KLB: variants seen among roughly 807,000 people sequenced by gnomAD.
KLB encodes beta-klotho.
In KLB, 44 loss-of-function variants were observed where a neutral mutation model predicts 88.4. The ratio of observed to expected loss-of-function variants is 0.50; its 90% CI spans 0.39 to 0.64. The LOEUF is 0.64. Ranked by LOEUF, KLB falls within the 30% of genes least tolerant of loss-of-function variation. The probability of loss-of-function intolerance (pLI) is 0.00; values close to 1 mark genes in which losing one functional copy is unlikely to be tolerated. For synonymous variants in KLB, 548 were observed against 513.4 expected (o/e 1.07, Z -0.91); for missense variants, 1,137 against 1,304.8 (o/e 0.87, Z 1.98).
rs1488201647 is a variant in KLB, at chr4:39,407,017, C to T, written c.68C>T (p.Thr23Ile). The stretch of plus-strand genomic sequence containing the variant: ...ATTTTCTTCAGCACTGATGAAATAA[C>T]CACACGCTATAGGAATACAATGTCC... ...EWIFFSTDEITTRYRNTMSNG... is the reference protein window; with the variant it reads ...EWIFFSTDEIITRYRNTMSNG... The change falls in exon 1 of 5, where the codon ACC becomes ATC. Residue 23 changes from threonine to isoleucine, a missense_variant. This residue lies in a region of KLB where 111 missense variants were observed against 118.3 expected (regional missense o/e 0.94). Transcript: ENST00000257408. The T allele has an allele frequency of 6.2e-7, 1 of 1,614,008 alleles. No individual in the cohort carries two copies. Among genetic ancestry groups the T allele is most frequent in the East Asian group, 2.2e-5 (1 of 44,904 alleles).
At chr4:39,411,715 A>G (rs1167159226) in intron 1 of KLB, among the ~76,000 whole-genome samples, 1 of 151,888 alleles carries the variant, frequency 6.6e-6, no homozygotes, top group African/African-American at 2.4e-5. Flanking sequence ...CACGGTAATC[A>G]TCACTTTAAA....
rs1044547117 is a variant in KLB at position 39,448,741 on chromosome 4, G to A, written c.*55G>A. The stretch of plus-strand genomic sequence containing the variant: ...AAAATTCATCCCAGTTCCATATGCT[G>A]GTAACTTACAGGAGATATACCTGTA... On this transcript the variant is annotated 3_prime_UTR_variant, in exon 5 of 5. Transcript: ENST00000257408. The A allele has an allele frequency of 5.1e-5, 77 of 1,512,268 alleles. No individual in the cohort carries two copies. Among genetic ancestry groups the A allele is most frequent in the Middle Eastern group, 2.0e-4 (1 of 4,884 alleles). 93.7% of individuals were successfully genotyped at this position (1,512,268 alleles called of 1,614,324 possible). A position where few individuals can be genotyped will look rare whatever the true frequency, so the allele number is the denominator to read the frequency against.
rs368735550 is a variant in KLB, at chr4:39,406,945, G to T, written c.-5G>T. On this transcript the variant is annotated 5_prime_UTR_variant, in exon 1 of 5. Coordinates refer to ENST00000257408, the MANE Select transcript of KLB (RefSeq NM_175737.4). ...TTGATAAGACAGTCCAGCAGTTGGT[G>T]GCAAATGAAGCCAGGCTGTGCGGCA... 1.9e-6 allele frequency: 3 copies of T among 1,600,374 alleles called. No individual in the cohort carries two copies. The highest frequency in any genetic ancestry group is 1.1e-5 in the South Asian group (1 of 89,622).
At chr4:39,424,176 TCCTC>T (rs1294632829) in intron 1 of KLB, among the ~76,000 whole-genome samples, 3 of 151,634 alleles carry the variant, frequency 2.0e-5, no homozygotes, top group Non-Finnish European at 4.4e-5. Flanking sequence ...GCTCAGGTGA[TCCTC>T]CCACCTCAGC....
intron 1 of KLB, among the ~76,000 whole-genome samples, chr4:39,416,671 C>A (rs1419070246): frequency 7.6e-6 from 1 of 131,602 alleles, no homozygotes; most frequent in African/African-American, 2.5e-5. Flanking sequence ...CTGTAGTTAC[C>A]GCTACTGGGG....
At chr4:39,417,391 C>T (rs1348024119) in intron 1 of KLB, among the ~76,000 whole-genome samples, 2 of 152,054 alleles carry the variant, frequency 1.3e-5, no homozygotes, top group Non-Finnish European at 2.9e-5. Flanking sequence ...CTCAGCTCAC[C>T]GTAACCTCAG....
Position 39,446,962 on chromosome 4 carries a change from T to G in KLB, c.2236T>G (p.Trp746Gly), listed in dbSNP as rs1402338764. The G allele has an allele frequency of 6.2e-7, 1 of 1,606,594 alleles. No individual in the cohort carries two copies. Among genetic ancestry groups the G allele is most frequent in the Non-Finnish European group, 8.5e-7 (1 of 1,179,436 alleles). The change falls in exon 4 of 5, where the codon TGG (tryptophan) becomes GGG (glycine). Residue 746 changes from tryptophan (W) to glycine (G), a missense_variant. Transcript: ENST00000257408. The surrounding 1 kb of genome is among the most constrained non-coding windows in gnomAD (Gnocchi z 6.4). ...CGTGTCGCTGTCGCTGCACGCGGAC[T>G]GGGCGGAACCCGCCAACCCCTATGC... is the stretch of plus-strand genomic sequence containing the variant. ...GAVSLSLHAD[W>G]AEPANPYADS...
intron 1 of KLB, among the ~76,000 whole-genome samples, chr4:39,410,179 A>G (rs879651907): frequency 8.5e-5 from 13 of 152,232 alleles, no homozygotes; most frequent in Admixed American, 4.6e-4. Context: ...TAGAGTTTTC[A>G]TGAAAATGTA....
chr4:39,408,299 T>C (rs1402875249), intron 1 of KLB, among the ~76,000 whole-genome samples: 2 of 152,140 alleles, frequency 1.3e-5, no homozygotes, highest in Admixed American at 6.6e-5. Context: ...TTGTGTTACA[T>C]AGCAAAAAAG....
chr4:39,408,663 G>C (rs563052217), intron 1 of KLB, among the ~76,000 whole-genome samples: 7 of 152,226 alleles, frequency 4.6e-5, no homozygotes, highest in African/African-American at 1.7e-4. Context: ...TACAGCTGTT[G>C]TGGACATGGA....
chr4:39,413,106 C>T (rs1480580997), intron 1 of KLB, among the ~76,000 whole-genome samples: 2 of 152,078 alleles, frequency 1.3e-5, no homozygotes, highest in African/African-American at 2.4e-5. Context: ...CAGCCTCTCA[C>T]GTCCATTTCT....
intron 1 of KLB, among the ~76,000 whole-genome samples, chr4:39,420,099 AG>A (rs1202153426): frequency 3.9e-5 from 6 of 152,152 alleles, no homozygotes; most frequent in Non-Finnish European, 7.3e-5. Context: ...GAATCACAGA[AG>A]TAATTAAAGT....
chr4:39,412,566 C>T (rs1470765487), intron 1 of KLB, among the ~76,000 whole-genome samples: 1 of 152,192 alleles, frequency 6.6e-6, no homozygotes, highest in African/African-American at 2.4e-5. Context: ...CCAGCCTCAA[C>T]TATCCCACTC....
intron 1 of KLB, among the ~76,000 whole-genome samples, chr4:39,433,528 A>C (rs1218905558): frequency 6.6e-6 from 1 of 152,092 alleles, no homozygotes. Context: ...TGGACTTCTA[A>C]ATTAGGACCA....
chr4:39,440,801 G>T (rs1296958725), intron 3 of KLB, among the ~76,000 whole-genome samples: 1 of 151,962 alleles, frequency 6.6e-6, no homozygotes, highest in African/African-American at 2.4e-5. Flanking sequence ...TAGGCAATCT[G>T]CCTGTCTCGG....
At chr4:39,431,628 A>G (rs1743364722) in intron 1 of KLB, among the ~76,000 whole-genome samples, 1 of 152,236 alleles carries the variant, frequency 6.6e-6, no homozygotes. Context: ...AAAATTGAGT[A>G]AGGACAAGTG....
At chr4:39,411,930 TACTGAGCTTATGTATGCATCTGCA>T (rs1341144749) in intron 1 of KLB, 2 of 151,624 alleles carry the variant, frequency 1.3e-5, no homozygotes, top group African/African-American at 2.4e-5. Context: ...GCTATGGGTA[TACTGAGCTTATGTATGCATCTGCA>T]TACCCATAGC....
At chr4:39,434,824 T>C in intron 2 of KLB, 104 bp downstream of exon 2, 1 of 903,734 alleles carries the variant, frequency 1.1e-6, no homozygotes. Context: ...TTTTTTTTTT[T>C]GAAACGGAGT....
intron 1 of KLB, among the ~76,000 whole-genome samples, chr4:39,428,317 A>G (rs1156773452): frequency 6.6e-6 from 1 of 151,912 alleles, no homozygotes; most frequent in Non-Finnish European, 1.5e-5. Context: ...AATCCCAGTT[A>G]CTCAGGAGGC....
Sources: gnomAD v4.1 joint callset for allele counts (sites outside exome capture counted in the v4.1 genomes callset) on GRCh38, gnomAD v4.1.1 for gene constraint, gnomAD v4.1.1 regional missense constraint, Gnocchi (gnomAD v3.1) non-coding constraint, MANE v1.5 for transcripts, NCBI Gene and HGNC (gene_info 2026-07-23, HGNC 2026-07-21) for gene names.